The following MAGI1 variants were observed in gnomAD, a reference collection of about 807,000 sequenced individuals.
MAGI1 encodes membrane associated guanylate kinase, WW and PDZ domain containing 1.
In MAGI1, 58 loss-of-function variants were observed where a neutral mutation model predicts 139.9. The observed-to-expected ratio is 0.41, with a 90% CI of 0.34 to 0.52. The LOEUF (loss-of-function observed/expected upper bound fraction) is 0.52. MAGI1 is among the 20% of genes least tolerant of loss of function. The pLI is 0.12. For missense variants in MAGI1, 1,874 were observed against 1,901.6 expected (o/e 0.99, Z 0.27); for synonymous variants, 812 against 737.9 (o/e 1.10, Z -1.63).
intron 1 of MAGI1, among the ~76,000 whole-genome samples, chr3:65,978,044 G>A (rs988817850): frequency 2.0e-5 from 3 of 151,900 alleles, no homozygotes; most frequent in Non-Finnish European, 4.4e-5. Flanking sequence ...ATTTTTTTCC[G>A]CATTTATTCA....
Position 65,529,038 on chromosome 3 carries a change from C to T in MAGI1, c.431-35407G>A, listed in dbSNP as rs932835340. ...TCCAGCCTGGGCAACAGATGGAGAC[C>T]CTGTTTCAAAACCAACCAACCAACC... On this transcript the variant is annotated intron_variant, in intron 2 of 22. Transcript: ENST00000402939. 4.0e-5 allele frequency among the ~76,000 whole-genome samples: 6 copies of T among 151,870 alleles called. No homozygotes were observed. In the East Asian group the frequency reaches 1.2e-3, roughly 29 times the overall value.
chr3:65,568,246 G>T (rs537200653), intron 2 of MAGI1, among the ~76,000 whole-genome samples: 1 of 151,906 alleles, frequency 6.6e-6, no homozygotes, highest in Non-Finnish European at 1.5e-5. Context: ...TTTCCCTCTC[G>T]TTTCCCCAGT....
chr3:65,690,751 C>T (rs1576749424), intron 1 of MAGI1, among the ~76,000 whole-genome samples: 1 of 151,840 alleles, frequency 6.6e-6, no homozygotes, highest in African/African-American at 2.4e-5. Context: ...ATTACAGCCT[C>T]CCAATGTGCT....
intron 1 of MAGI1, among the ~76,000 whole-genome samples, chr3:65,887,354 C>A (rs2060574504): frequency 2.3e-5 from 3 of 131,160 alleles, no homozygotes; most frequent in South Asian, 2.4e-4. Context: ...AAAAATAAAG[C>A]ACATATTAGA....
intron 1 of MAGI1, among the ~76,000 whole-genome samples, chr3:65,926,652 G>A (rs1186941791): frequency 1.3e-5 from 2 of 152,254 alleles, no homozygotes; most frequent in East Asian, 1.9e-4. Context: ...ACTCCCACCA[G>A]TAACATGACA....
At chr3:65,776,934 TACTACA>T (rs1559871976) in intron 1 of MAGI1, among the ~76,000 whole-genome samples, 2 of 152,322 alleles carry the variant, frequency 1.3e-5, no homozygotes, top group East Asian at 3.9e-4. Context: ...ATTTCTATTA[TACTACA>T]GGTTCCAACA....
chr3:65,850,622 T>C (rs1249569559), intron 1 of MAGI1, among the ~76,000 whole-genome samples: 1 of 152,144 alleles, frequency 6.6e-6, no homozygotes, highest in African/African-American at 2.4e-5. Flanking sequence ...GTCAAAGTAA[T>C]GTTGGGCTTT....
intron 2 of MAGI1, among the ~76,000 whole-genome samples, chr3:65,504,622 T>A (rs574446401): frequency 2.6e-5 from 4 of 152,018 alleles, no homozygotes; most frequent in African/African-American, 9.7e-5. Flanking sequence ...TCACCCAGGG[T>A]TGAATAAATC....
intron 1 of MAGI1, among the ~76,000 whole-genome samples, chr3:65,950,090 CAAACAAAAAAAAAAAA>C (rs1560045812): frequency 0.085 from 1,443 of 17,052 alleles, 135 homozygotes; most frequent in African/African-American, 0.22. Context: ...AAAAAAAAAA[CAAACAAAAAAAAAAAA>C]CAGAACTAGC....
At chr3:65,565,843 C>T (rs1342774543) in intron 2 of MAGI1, among the ~76,000 whole-genome samples, 3 of 130,040 alleles carry the variant, frequency 2.3e-5, no homozygotes, top group East Asian at 2.3e-4. Flanking sequence ...GGCGACAGGG[C>T]GAGACTCCGT....
Position 65,355,174 on chromosome 3 carries a change from G to C in MAGI1, c.*1204C>G, listed in dbSNP as rs1940146106. ...TTAAAAATAAAAATTGTTATGTTTT[G>C]TGCTGCTGTCCAAAGGACTCAAAGG... On this transcript the variant is annotated 3_prime_UTR_variant, in exon 23 of 23. Coordinates refer to ENST00000402939, the MANE Select transcript of MAGI1 (RefSeq NM_001033057.2). The C allele has an allele frequency of 1.3e-5, 2 of 152,426 alleles. No homozygotes were observed. The highest frequency in any genetic ancestry group is 2.9e-5 in the Non-Finnish European group (2 of 68,022). 9.4% of individuals were successfully genotyped at this position (152,426 alleles called of 1,614,324 possible). A position where few individuals can be genotyped will look rare whatever the true frequency, so the allele number is the denominator to read the frequency against.
chr3:65,655,645 G>A (rs1274904483), intron 1 of MAGI1, among the ~76,000 whole-genome samples: 1 of 152,122 alleles, frequency 6.6e-6, no homozygotes, highest in African/African-American at 2.4e-5. Context: ...ATTTAATTCA[G>A]TCCTCACCAC....
Position 65,379,472 on chromosome 3 carries a change from C to T in MAGI1, c.2784G>A (p.Lys928=), listed in dbSNP as rs531832718. 3.3e-5 allele frequency: 53 copies of T among 1,614,038 alleles called. No individual in the cohort carries two copies. Among genetic ancestry groups the T allele is most frequent in the Admixed American group, 6.7e-5 (4 of 60,012 alleles). ...AGTTCTGGCTGCCCTGCGGAGTGCG[C>T]TTCTCTTCTGTCAGCGAGGCCGGCT... ...SNQPASLTEE[K]RTPQGSQNSL... is the part of the protein sequence containing the mutation. The change falls in exon 17 of 23, where the codon AAG becomes AAA. Residue 928 remains lysine, a synonymous_variant. Transcript: ENST00000402939.
At chr3:65,583,030 C>T (rs2081510657) in intron 2 of MAGI1, among the ~76,000 whole-genome samples, 1 of 152,110 alleles carries the variant, frequency 6.6e-6, no homozygotes, top group South Asian at 2.1e-4. Context: ...TTCTCTAACC[C>T]AATATATCCA....
intron 1 of MAGI1, among the ~76,000 whole-genome samples, chr3:65,908,778 C>G (rs939718032): frequency 3.9e-5 from 6 of 152,158 alleles, no homozygotes; most frequent in Non-Finnish European, 7.3e-5. Flanking sequence ...TTCTAACAGA[C>G]TCCTGGGGCA....
intron 21 of MAGI1, among the ~76,000 whole-genome samples, chr3:65,361,831 C>T (rs572130772): frequency 6.6e-6 from 1 of 152,142 alleles, no homozygotes; most frequent in African/African-American, 2.4e-5. Context: ...CTCTGGAGTC[C>T]CATGATAATG....
At chr3:65,376,057 A>G in intron 17 of MAGI1, 112 bp from the exon 18 acceptor site, 1 of 755,106 alleles carries the variant, frequency 1.3e-6, no homozygotes, top group Non-Finnish European at 2.1e-6. Context: ...AAATTAAAGC[A>G]TTAAGCAAAT....
chr3:65,529,051 C>T (rs55819894), intron 2 of MAGI1, among the ~76,000 whole-genome samples: 1 of 151,760 alleles, frequency 6.6e-6, no homozygotes, highest in African/African-American at 2.4e-5. Context: ...GTTTCAAAAC[C>T]AACCAACCAA....
intron 1 of MAGI1, among the ~76,000 whole-genome samples, chr3:65,787,770 C>G (rs1024902153): frequency 6.6e-6 from 1 of 151,912 alleles, no homozygotes; most frequent in African/African-American, 2.4e-5. Context: ...GATATGATAA[C>G]ACCGCTGAAT....
Sources: allele counts gnomAD v4.1 joint callset (sites outside exome capture counted in the v4.1 genomes callset), GRCh38; gene constraint gnomAD v4.1.1; transcripts MANE v1.5; gene names NCBI Gene and HGNC (gene_info 2026-07-23, HGNC 2026-07-21).